Variants in TCF20 observed in about 807,000 individuals in gnomAD.
TCF20 encodes SPRE-binding protein.
In TCF20, 3 loss-of-function variants were observed where a neutral mutation model predicts 148.6. The ratio of observed to expected loss-of-function variants is 0.02; its 90% CI spans 0.01 to 0.05. TCF20 has a LOEUF of 0.05. Among genes scored for constraint, TCF20 ranks in the 10% least tolerant of loss-of-function variants. The probability of loss-of-function intolerance (pLI) is 1.00; values close to 1 mark genes in which losing one functional copy is unlikely to be tolerated. For missense variants in TCF20, 2,350 were observed against 2,429.3 expected (o/e 0.97, Z 0.69); for synonymous variants, 1,049 against 909.5 (o/e 1.15, Z -2.76).
At chr22:42,244,798 G>A (rs1924768779) in intron 1 of TCF20, among the ~76,000 whole-genome samples, 1 of 151,906 alleles carries the variant, frequency 6.6e-6, no homozygotes, top group African/African-American at 2.4e-5. Context: ...AAAAAAATCT[G>A]GCTGGGCGCA....
intron 1 of TCF20, among the ~76,000 whole-genome samples, chr22:42,334,262 G>A (rs1319022158): frequency 6.6e-6 from 1 of 152,186 alleles, no homozygotes; most frequent in Non-Finnish European, 1.5e-5. Flanking sequence ...CAACAACCTA[G>A]GGACAGGGCC....
At position 42,213,755 on chromosome 22, in the gene TCF20, C is replaced by G. The variant is rs762247845; in HGVS notation, c.1551G>C (p.Glu517Asp). The G allele has an allele frequency of 6.2e-7, 1 of 1,614,032 alleles. No homozygotes were observed. ...TGCTGGAGCAGCCTCCATCTAATGA[C>G]TCTGCCATAGGGGACTTCAGCTGTT... ...PEEQLKSPMA[E>D]SLDGGCSSSS... The change falls in exon 2 of 6, where the codon GAG becomes GAC. Residue 517 changes from glutamate (E) to aspartate (D), a missense_variant. By Grantham distance (45) the Glu-to-Asp change is conservative (BLOSUM62 2). Transcript: ENST00000677622.
chr22:42,261,354 C>A (rs1747688763), intron 1 of TCF20, among the ~76,000 whole-genome samples: 1 of 152,174 alleles, frequency 6.6e-6, no homozygotes, highest in African/African-American at 2.4e-5. Context: ...AGAAATTAAA[C>A]TGCTGGGTCA....
upstream of TCF20, among the ~76,000 whole-genome samples, chr22:42,271,919 C>T (rs889396866): frequency 6.6e-6 from 1 of 152,084 alleles, no homozygotes; most frequent in African/African-American, 2.4e-5. Flanking sequence ...TGACCTTTCA[C>T]CCCACCTAGC....
chr22:42,202,479 T>TA (rs1217224952), intron 2 of TCF20, among the ~76,000 whole-genome samples: 2 of 152,230 alleles, frequency 1.3e-5, no homozygotes, highest in Non-Finnish European at 1.5e-5. Context: ...CAACAAGTCC[T>TA]GGAATTCATA....
intron 2 of TCF20, among the ~76,000 whole-genome samples, chr22:42,197,262 C>A (rs1937638763): frequency 6.6e-6 from 1 of 152,024 alleles, no homozygotes. Flanking sequence ...ACTTGATTTC[C>A]AGCAAAGTTA....
rs763678858 is a variant in TCF20, at chr22:42,210,263, C to A, written c.5043G>T (p.Ala1681=). 4.6e-5 allele frequency: 74 copies of A among 1,614,082 alleles called. No individual in the cohort carries two copies. Among genetic ancestry groups the A allele is most frequent in the Non-Finnish European group, 6.0e-5 (71 of 1,180,050 alleles). ...GCAGCATAAAGGACGAGGCCGGGAG[C>A]GCCTTGCTTTCAGTGCTGCTAGGTG... ...TPPPSSTESK[A]LPASSFMLQG... Residue 1681 remains alanine, a synonymous_variant, in exon 2 of 6, where the codon GCG becomes GCT. Coordinates refer to ENST00000677622, the MANE Select transcript of TCF20 (RefSeq NM_001378418.1). This position sits in a 1 kb window ranked among gnomAD's most constrained non-coding sequence, Gnocchi z 4.7.
intron 1 of TCF20, among the ~76,000 whole-genome samples, chr22:42,311,042 G>C (rs1414801455): frequency 1.3e-5 from 2 of 152,216 alleles, no homozygotes; most frequent in Non-Finnish European, 2.9e-5. Flanking sequence ...CTGGCCCAAG[G>C]CTGGCCCGGT....
At chr22:42,187,725 G>A (rs1293112785) in intron 2 of TCF20, among the ~76,000 whole-genome samples, 1 of 152,182 alleles carries the variant, frequency 6.6e-6, no homozygotes, top group African/African-American at 2.4e-5. Context: ...GAAAGGTTGG[G>A]ATTAAAGGAC....
At chr22:42,184,890 A>C (rs1936972400) in intron 2 of TCF20, among the ~76,000 whole-genome samples, 1 of 152,234 alleles carries the variant, frequency 6.6e-6, no homozygotes, top group South Asian at 2.1e-4. Context: ...GTTTTAACGG[A>C]AAGTGGCCCA....
At chr22:42,173,039 C>T (rs9607883) in intron 3 of TCF20, among the ~76,000 whole-genome samples, 2 of 151,980 alleles carry the variant, frequency 1.3e-5, no homozygotes, top group Admixed American at 6.6e-5. Flanking sequence ...AGATCAAAGT[C>T]TGCAGCAGAG....
intron 2 of TCF20, among the ~76,000 whole-genome samples, chr22:42,203,324 C>T (rs1362352725): frequency 6.6e-6 from 1 of 152,018 alleles, no homozygotes; most frequent in Non-Finnish European, 1.5e-5. Flanking sequence ...GCCAAAGAAT[C>T]GTGTACTCCT....
At chr22:42,195,550 G>A (rs1303968378) in intron 2 of TCF20, among the ~76,000 whole-genome samples, 1 of 149,888 alleles carries the variant, frequency 6.7e-6, no homozygotes, top group Non-Finnish European at 1.5e-5. Flanking sequence ...ACCCAGGCTG[G>A]AGTGCAATGG....
intron 1 of TCF20, among the ~76,000 whole-genome samples, chr22:42,234,813 G>A (rs1346610096): frequency 6.6e-6 from 1 of 152,102 alleles, no homozygotes. Context: ...CTAATAATTA[G>A]GGTCAGAAGA....
At chr22:42,209,592 A>G in intron 2 of TCF20, 59 bp downstream of exon 2, 1 of 1,523,136 alleles carries the variant, frequency 6.6e-7, no homozygotes, top group Non-Finnish European at 8.8e-7. Context: ...AAAAACATGC[A>G]AGAAAAGGAA....
At chr22:42,195,882 C>T (rs1352566423) in intron 2 of TCF20, among the ~76,000 whole-genome samples, 1 of 152,202 alleles carries the variant, frequency 6.6e-6, no homozygotes, top group Non-Finnish European at 1.5e-5. Context: ...ATTGCTTCTA[C>T]GTGTCTCTTA....
At chr22:42,230,961 C>T (rs1482953236) in intron 1 of TCF20, among the ~76,000 whole-genome samples, 1 of 151,958 alleles carries the variant, frequency 6.6e-6, no homozygotes, top group African/African-American at 2.4e-5. Context: ...GAATTCCAGA[C>T]CAGCCTGGCC....
chr22:42,291,098 T>C (rs1026855131), intron 1 of TCF20, among the ~76,000 whole-genome samples: 1 of 152,168 alleles, frequency 6.6e-6, no homozygotes, highest in African/African-American at 2.4e-5. Context: ...TGCCCCATCC[T>C]TCCCGTCTCT....
intron 1 of TCF20, among the ~76,000 whole-genome samples, chr22:42,250,288 T>C (rs954261915): frequency 1.3e-5 from 2 of 151,656 alleles, no homozygotes; most frequent in Non-Finnish European, 2.9e-5. Context: ...AAATTAATAA[T>C]ACAAAAATTA....
Sources: gnomAD v4.1 joint callset for allele counts (sites outside exome capture counted in the v4.1 genomes callset) on GRCh38, gnomAD v4.1.1 for gene constraint, Gnocchi (gnomAD v3.1) non-coding constraint, MANE v1.5 for transcripts, NCBI Gene and HGNC (gene_info 2026-07-23, HGNC 2026-07-21) for gene names.